The following APOL3 variants were observed in gnomAD, a reference collection of about 807,000 sequenced individuals.
APOL3 encodes TNF-inducible protein CG12-1.
APOL3 carries 14 observed loss-of-function variants against 11.6 expected under a neutral mutation model. The observed-to-expected ratio is 1.21, with a 90% CI of 0.80 to 1.89. The LOEUF (loss-of-function observed/expected upper bound fraction) is 1.89, where lower values mean the gene tolerates loss of function less well. APOL3 is among the 40% of genes most tolerant of loss of function. The pLI, the probability that APOL3 is intolerant of heterozygous loss-of-function variation, is 0.00. For synonymous variants in APOL3, 192 were observed against 190.6 expected (o/e 1.01, Z -0.06); for missense variants, 483 against 492.1 (o/e 0.98, Z 0.17).
At chr22:36,149,135 T>TC (rs750402483) in intron 1 of APOL3, 1 of 1,367,324 alleles carries the variant, frequency 7.3e-7, no homozygotes, top group Admixed American at 1.9e-5. Flanking sequence ...TCGTTTTTTT[T>TC]CTTAACCCTT....
At chr22:36,141,501 G>T in exon 3 of APOL3, 9 of 1,614,188 alleles carry the variant, frequency 5.6e-6, no homozygotes, top group Non-Finnish European at 7.6e-6. Context: ...TCGGGCCCTG[G>T]CTCTGGCTTG....
At chr22:36,148,935 G>T in intron 1 of APOL3, 111 bp downstream of exon 2, 1 of 1,082,738 alleles carries the variant, frequency 9.2e-7, no homozygotes, top group Non-Finnish European at 1.3e-6. Context: ...AAGACTCATC[G>T]GCCTGCTTGA....
chr22:36,165,389 A>G (rs1047045825), upstream of APOL3: 2 of 152,210 alleles, frequency 1.3e-5, no homozygotes, highest in African/African-American at 4.8e-5. Context: ...AACACTTGAT[A>G]AACATTGCTG....
intron 1 of APOL3, chr22:36,149,101 A>G (rs765364740): frequency 7.3e-7 from 1 of 1,368,106 alleles, no homozygotes; most frequent in African/African-American, 1.5e-5. Flanking sequence ...GGAGCTCTCC[A>G]GTCACTGACC....
chr22:36,150,048 G>A (rs2060375604), intron 1 of APOL3: 2 of 385,040 alleles, frequency 5.2e-6, no homozygotes, highest in Admixed American at 6.0e-5. Context: ...CTGGTTTCAA[G>A]CAATCCTCCT....
intron 1 of APOL3, chr22:36,149,081 G>A (rs766544736): frequency 2.2e-6 from 3 of 1,368,274 alleles, no homozygotes; most frequent in Admixed American, 3.8e-5. Flanking sequence ...GTCACTGAGA[G>A]ACTTTCCATG....
At chr22:36,147,756 A>G (rs1238927784) in intron 1 of APOL3, among the ~76,000 whole-genome samples, 1 of 152,208 alleles carries the variant, frequency 6.6e-6, no homozygotes, top group East Asian at 1.9e-4. Flanking sequence ...CCAGCACTAG[A>G]TCTGTGTATT....
At chr22:36,143,308 C>T (rs2060071166) in intron 2 of APOL3, among the ~76,000 whole-genome samples, 1 of 152,216 alleles carries the variant, frequency 6.6e-6, no homozygotes, top group Admixed American at 6.5e-5. Context: ...CCAGACTCTG[C>T]CCTGTGTGTC....
At chr22:36,153,931 G>A (rs1227649696) in intron 1 of APOL3, among the ~76,000 whole-genome samples, 1 of 152,176 alleles carries the variant, frequency 6.6e-6, no homozygotes, top group Non-Finnish European at 1.5e-5. Context: ...GCGTTTCCAG[G>A]CTACAGGTAA....
chr22:36,147,371 T>TG (rs1333999164), intron 1 of APOL3, among the ~76,000 whole-genome samples: 1 of 152,152 alleles, frequency 6.6e-6, no homozygotes, highest in Non-Finnish European at 1.5e-5. Context: ...TCAGGGGACA[T>TG]GGCTCCCCAC....
At chr22:36,145,009 CAAAAAAAA>C (rs1312228074) in intron 2 of APOL3, among the ~76,000 whole-genome samples, 2 of 37,936 alleles carry the variant, frequency 5.3e-5, no homozygotes, top group African/African-American at 1.1e-4. Flanking sequence ...GACTCTGTCT[CAAAAAAAA>C]AAAAAAAAGA....
chr22:36,157,065 T>C, intron 1 of APOL3: 2 of 455,694 alleles, frequency 4.4e-6, no homozygotes, highest in Non-Finnish European at 8.8e-6. Flanking sequence ...TTGGTGGCTC[T>C]ATCAGGTTTC....
Position 36,141,976 on chromosome 22 carries a change from C to CT in APOL3, c.432dup (p.Asp145ArgfsTer2), listed in dbSNP as rs1304763533. The CT allele has an allele frequency of 1.2e-6, 2 of 1,614,104 alleles. No homozygotes were observed. Among genetic ancestry groups the CT allele is most frequent in the African/African-American group, 2.7e-5 (2 of 74,940 alleles). On this transcript the variant is annotated frameshift_variant, in exon 3 of 3. Transcript: ENST00000349314. LOFTEE classifies it low-confidence loss of function (END_TRUNC). Reference sequence around the variant, plus strand: ...AAAAACCATTCCCTAAACTGCTCATCTTTCTGCTGCACATATTCGTCCTCA... The same window carrying CT: ...AAAAACCATTCCCTAAACTGCTCATCTTTTCTGCTGCACATATTCGTCCTCA...
chr22:36,145,372 G>C, intron 2 of APOL3, 101 bp downstream of exon 3: 2 of 1,437,588 alleles, frequency 1.4e-6, no homozygotes, highest in Non-Finnish European at 1.9e-6. Context: ...TCAGCAGAGG[G>C]GGCTGCCTGG....
intron 1 of APOL3, 134 bp downstream of exon 1, chr22:36,160,535 G>A (rs533304046): frequency 3.3e-6 from 3 of 911,960 alleles, no homozygotes; most frequent in African/African-American, 3.3e-5. Context: ...TTCAGGCTCT[G>A]CCATGGACCG....
At chr22:36,160,638 G>T in intron 1 of APOL3, 31 bp downstream of exon 1, 1 of 1,604,116 alleles carries the variant, frequency 6.2e-7, no homozygotes, top group South Asian at 1.1e-5. Flanking sequence ...AGGATGGGGA[G>T]ATGGGGAAGG....
intron 1 of APOL3, among the ~76,000 whole-genome samples, chr22:36,157,278 A>G (rs2013054986): frequency 6.6e-6 from 1 of 152,212 alleles, no homozygotes; most frequent in South Asian, 2.1e-4. Flanking sequence ...ACTCTTATGC[A>G]GCAACCAACT....
exon 3 of APOL3, chr22:36,141,405 C>T (rs1161840506): frequency 6.2e-7 from 1 of 1,614,102 alleles, no homozygotes; most frequent in African/African-American, 1.3e-5. Flanking sequence ...CCGGGCTCCT[C>T]TGCTCACTGC....
chr22:36,142,114 A>C, intron 2 of APOL3, 56 bp from the exon 4 acceptor site: 1 of 1,523,634 alleles, frequency 6.6e-7, no homozygotes, highest in Non-Finnish European at 8.8e-7. Flanking sequence ...CTGTAAAATC[A>C]GCTCAATAAG....
Sources: allele counts gnomAD v4.1 joint callset (sites outside exome capture counted in the v4.1 genomes callset), GRCh38; gene constraint gnomAD v4.1.1; transcripts MANE v1.5; gene names NCBI Gene and HGNC (gene_info 2026-07-23, HGNC 2026-07-21).